Variants in TRHDE observed in about 807,000 individuals in gnomAD.
TRHDE encodes the protein thyrotropin-releasing hormone-degrading ectoenzyme.
Under a neutral mutation model 125.7 loss-of-function variants are expected in TRHDE, and 72 were observed. The ratio of observed to expected loss-of-function variants is 0.57; its 90% CI spans 0.47 to 0.70. The LOEUF (loss-of-function observed/expected upper bound fraction) is 0.70, where lower values mean the gene tolerates loss of function less well. Ranked by LOEUF, TRHDE falls within the 30% of genes least tolerant of loss-of-function variation. The pLI is 0.00. For synonymous variants in TRHDE, 509 were observed against 509.1 expected, an observed-to-expected ratio of 1.00 and a Z score of 0.00; for missense variants, 1,110 against 1,327.1, an observed-to-expected ratio of 0.84 and a Z score of 2.54.
At chr12:72,511,682 G>A (rs1324803891) in intron 6 of TRHDE, among the ~76,000 whole-genome samples, 2 of 152,048 alleles carry the variant, frequency 1.3e-5, no homozygotes, top group Admixed American at 1.3e-4. Context: ...TTTTGCTGAT[G>A]GAGGCAAGTT....
At chr12:72,480,359 C>T (rs1433465626) in intron 5 of TRHDE, among the ~76,000 whole-genome samples, 4 of 151,904 alleles carry the variant, frequency 2.6e-5, no homozygotes, top group Non-Finnish European at 5.9e-5. Context: ...GCCATTCTAA[C>T]TGGTGTGAGA....
chr12:72,651,873 A>G (rs1364756520), intron 15 of TRHDE, among the ~76,000 whole-genome samples: 3 of 151,950 alleles, frequency 2.0e-5, no homozygotes. Flanking sequence ...CTGATAGAGA[A>G]AGTTATCTAA....
At chr12:72,187,085 T>G (rs1877232521) in intron 2 of TRHDE, among the ~76,000 whole-genome samples, 1 of 152,098 alleles carries the variant, frequency 6.6e-6, no homozygotes, top group South Asian at 2.1e-4. Flanking sequence ...AAACAGAATT[T>G]TGACATTCAG....
intron 7 of TRHDE, among the ~76,000 whole-genome samples, chr12:72,551,092 A>C (rs1869650832): frequency 6.6e-6 from 1 of 152,082 alleles, no homozygotes; most frequent in Admixed American, 6.6e-5. Flanking sequence ...AAAAGTAACA[A>C]ACTATAACAT....
At chr12:72,249,584 G>A (rs950646320) in intron 2 of TRHDE, among the ~76,000 whole-genome samples, 4 of 152,088 alleles carry the variant, frequency 2.6e-5, no homozygotes, top group Non-Finnish European at 5.9e-5. Context: ...TTAGTCATCA[G>A]GAAAATGTAA....
intron 2 of TRHDE, among the ~76,000 whole-genome samples, chr12:72,300,705 T>G (rs765612236): frequency 6.6e-6 from 1 of 151,858 alleles, no homozygotes; most frequent in African/African-American, 2.4e-5. Context: ...TATATATGTG[T>G]GTGTGTATGT....
At chr12:72,093,461 T>C (rs1278898186) in intron 1 of TRHDE, among the ~76,000 whole-genome samples, 1 of 152,170 alleles carries the variant, frequency 6.6e-6, no homozygotes, top group Non-Finnish European at 1.5e-5. Context: ...AATTCATATA[T>C]TTGTATGCTT....
chr12:72,145,142 A>G (rs1355693186), intron 2 of TRHDE, among the ~76,000 whole-genome samples: 1 of 152,146 alleles, frequency 6.6e-6, no homozygotes, highest in African/African-American at 2.4e-5. Context: ...ACCTGCCCCA[A>G]GTTGAGTTTC....
intron 1 of TRHDE, among the ~76,000 whole-genome samples, chr12:72,094,319 G>A (rs1241929350): frequency 6.6e-6 from 1 of 152,108 alleles, no homozygotes; most frequent in Non-Finnish European, 1.5e-5. Flanking sequence ...GCTGAGAGGG[G>A]CTGGGGACTG....
chr12:72,428,654 A>G (rs1247981291), intron 3 of TRHDE, among the ~76,000 whole-genome samples: 2 of 152,126 alleles, frequency 1.3e-5, no homozygotes, highest in Non-Finnish European at 2.9e-5. Context: ...TAACCCATTT[A>G]GATTGTACAA....
At chr12:72,323,037 C>T (rs1869170728) in intron 2 of TRHDE, among the ~76,000 whole-genome samples, 1 of 152,030 alleles carries the variant, frequency 6.6e-6, no homozygotes, top group South Asian at 2.1e-4. Context: ...AAGTTCTTTC[C>T]AGTGCTAAAA....
At chr12:72,571,875 G>C (rs991640807) in intron 10 of TRHDE, among the ~76,000 whole-genome samples, 1 of 151,688 alleles carries the variant, frequency 6.6e-6, no homozygotes, top group African/African-American at 2.4e-5. Context: ...GGAAATTAAG[G>C]CTTGAGAAGT....
chr12:72,225,062 T>C (rs1481603705), intron 2 of TRHDE, among the ~76,000 whole-genome samples: 1 of 152,286 alleles, frequency 6.6e-6, no homozygotes, highest in South Asian at 2.1e-4. Context: ...TCTTGAAGCA[T>C]TGGAGTTCTG....
At chr12:72,134,764 A>G (rs1875943404) in intron 2 of TRHDE, among the ~76,000 whole-genome samples, 1 of 152,094 alleles carries the variant, frequency 6.6e-6, no homozygotes, top group Non-Finnish European at 1.5e-5. Flanking sequence ...AGCTATTTTC[A>G]AAGTAGGGAA....
At chr12:72,621,585 T>G in intron 14 of TRHDE, 59 bp from the exon 15 acceptor site, 3 of 1,253,990 alleles carry the variant, frequency 2.4e-6, no homozygotes, top group Non-Finnish European at 3.4e-6. Flanking sequence ...TATCTACTAT[T>G]TAGGGAATGA....
chr12:72,213,376 G>A (rs1877823495), intron 2 of TRHDE, among the ~76,000 whole-genome samples: 1 of 152,100 alleles, frequency 6.6e-6, no homozygotes, highest in South Asian at 2.1e-4. Context: ...GCTGTTAAAA[G>A]TATCTTTTGA....
At chr12:72,454,113 A>G (rs920046593) in intron 3 of TRHDE, among the ~76,000 whole-genome samples, 1 of 152,176 alleles carries the variant, frequency 6.6e-6, no homozygotes, top group Non-Finnish European at 1.5e-5. Flanking sequence ...TTCAAGGCAC[A>G]TATGCGTGTA....
chr12:72,487,923 C>T (rs1386846297), intron 5 of TRHDE, among the ~76,000 whole-genome samples: 2 of 151,914 alleles, frequency 1.3e-5, no homozygotes, highest in African/African-American at 2.4e-5. Context: ...TTGTATGCAA[C>T]AGAAGTTAAG....
intron 2 of TRHDE, among the ~76,000 whole-genome samples, chr12:72,362,156 TGA>T (rs1363371479): frequency 7.4e-6 from 1 of 135,582 alleles, no homozygotes; most frequent in African/African-American, 2.8e-5. Flanking sequence ...CCACAATGGT[TGA>T]ACTAGTTTAC....
Sources: gnomAD v4.1 joint callset for allele counts (sites outside exome capture counted in the v4.1 genomes callset) on GRCh38, gnomAD v4.1.1 for gene constraint, MANE v1.5 for transcripts, NCBI Gene and HGNC (gene_info 2026-07-23, HGNC 2026-07-21) for gene names.